The following HEATR6 variants were observed in gnomAD, a reference collection of about 807,000 sequenced individuals.
The protein encoded by HEATR6 is HEAT repeat containing 6, also known as HEAT repeat-containing protein 6.
In HEATR6, 106 loss-of-function variants were observed where a neutral mutation model predicts 132.8. The ratio of observed to expected loss-of-function variants is 0.80; its 90% CI spans 0.68 to 0.94. HEATR6 has a LOEUF of 0.94. HEATR6 is among the 40% of genes least tolerant of loss of function. HEATR6 has a pLI of 0.00. For missense variants in HEATR6, 1,339 were observed against 1,425.1 expected, an observed-to-expected ratio of 0.94 and a Z score of 0.97; for synonymous variants, 529 against 537.8, an observed-to-expected ratio of 0.98 and a Z score of 0.23.
At chr17:60,066,544 A>T (rs2083241914) in intron 8 of HEATR6, 158 bp from the exon 9 acceptor site, 1 of 620,978 alleles carries the variant, frequency 1.6e-6, no homozygotes, top group Non-Finnish European at 2.7e-6. Context: ...GTTATTAAAA[A>T]TTTTTCTTTC....
rs533858254 is a variant in HEATR6, at chr17:60,044,060, G to A, written c.3049C>T (p.Arg1017Cys). 2.3e-5 allele frequency: 37 copies of A among 1,614,168 alleles called. No homozygotes were observed. The highest frequency in any genetic ancestry group is 2.2e-4 in the South Asian group (20 of 91,082). The stretch of plus-strand genomic sequence containing the variant: ...GAAAGGGCAGCTGCAGATCTGATGC[G>A]CACTTTGAAGTTCTTGCATGATGTC... ...VVTSCKNFKVRIRSAAALSVP... is the reference protein window; with the variant it reads ...VVTSCKNFKVCIRSAAALSVP... The change falls in exon 20 of 20, where the codon CGC becomes TGC. Residue 1017 changes from arginine to cysteine, a missense_variant. Coordinates refer to ENST00000184956, the MANE Select transcript of HEATR6 (RefSeq NM_022070.5).
Position 60,078,726 on chromosome 17 carries a change from G to A in HEATR6, c.189C>T (p.Asn63=), listed in dbSNP as rs1350359623. The A allele has an allele frequency of 1.3e-6, 2 of 1,552,082 alleles. No individual in the cohort carries two copies. The highest frequency in any genetic ancestry group is 8.7e-7 in the Non-Finnish European group (1 of 1,149,212). The change falls in exon 1 of 20, where the codon AAC becomes AAT. Residue 63 remains asparagine (N), a synonymous_variant. Coordinates refer to ENST00000184956, the MANE Select transcript of HEATR6 (RefSeq NM_022070.5). ...HLLFDQLISE[N]YSEGSGVAPE... is the part of the protein sequence containing the mutation. ...GGGCCACGCCACTGCCCTCGCTGTA[G>A]TTCTCGGAGATGAGCTGATCGAAGA...
rs754417304 is a variant in HEATR6 at position 60,044,101 on chromosome 17, G to A, written c.3008C>T (p.Ala1003Val). 3.3e-5 allele frequency: 53 copies of A among 1,612,924 alleles called. No individual in the cohort carries two copies. The highest frequency in any genetic ancestry group is 4.2e-5 in the Non-Finnish European group (50 of 1,179,404). Reference sequence around the variant, plus strand: ...GCATGATGTCACGACCGATGTCAGGGCATTGTAGGCCTGGGAGGTCCATGG... The same window carrying A: ...GCATGATGTCACGACCGATGTCAGGACATTGTAGGCCTGGGAGGTCCATGG... Reference protein sequence around the residue: ...TAPWTSQAYNALTSVVTSCKN... With the variant: ...TAPWTSQAYNVLTSVVTSCKN... The change falls in exon 20 of 20, where the codon GCC becomes GTC. Residue 1003 changes from alanine (A) to valine (V), a missense_variant. Physicochemically the swap from Ala to Val is moderately conservative, Grantham distance 64. Coordinates refer to ENST00000184956, the MANE Select transcript of HEATR6 (RefSeq NM_022070.5).
intron 8 of HEATR6, 50 bp from the exon 9 acceptor site, chr17:60,066,436 T>TA (rs772327727): frequency 2.7e-5 from 37 of 1,352,706 alleles, no homozygotes; most frequent in Non-Finnish European, 3.2e-5. Context: ...ATCATTTTTT[T>TA]AAAAAAAATG....
At chr17:60,046,271 G>A in intron 18 of HEATR6, 42 bp from the exon 19 acceptor site, 1 of 1,487,960 alleles carries the variant, frequency 6.7e-7, no homozygotes, top group Non-Finnish European at 9.2e-7. Context: ...TTTGGCCAAA[G>A]AGATGTTTCC....
chr17:60,077,279 A>G (rs2083301702), intron 1 of HEATR6, among the ~76,000 whole-genome samples: 1 of 152,222 alleles, frequency 6.6e-6, no homozygotes, highest in African/African-American at 2.4e-5. Flanking sequence ...TTTGCCAGAT[A>G]GGGCATCAAA....
At chr17:60,078,236 T>G (rs1454105093) in intron 1 of HEATR6, among the ~76,000 whole-genome samples, 1 of 152,178 alleles carries the variant, frequency 6.6e-6, no homozygotes, top group Admixed American at 6.5e-5. Context: ...ACATAGGGGC[T>G]TTGTGGCAGA....
At position 60,048,974 on chromosome 17, in the gene HEATR6, TATATATATA is replaced by T. The variant is rs200268375; in HGVS notation, c.2548-595_2548-587del. Among the ~76,000 whole-genome samples the T allele has an allele frequency of 5.9e-3, 418 of 70,272 alleles. 9 individuals are homozygous for T. Among genetic ancestry groups the T allele is most frequent in the African/African-American group, 0.058 (359 of 6,140 alleles). 46.1% of individuals were successfully genotyped at this position (70,272 alleles called of 152,430 possible). A position where few individuals can be genotyped will look rare whatever the true frequency, so the allele number is the denominator to read the frequency against. ...AATTAAAAATTAAAAATAAATAACA[TATATATATA>T]ATATATATATATATATATATATATA... is the stretch of plus-strand genomic sequence containing the variant. On this transcript the variant is annotated intron_variant, in intron 16 of 19. Transcript: ENST00000184956.
chr17:60,047,540 G>A, intron 17 of HEATR6, 135 bp from the exon 18 acceptor site: 1 of 405,520 alleles, frequency 2.5e-6, no homozygotes. Flanking sequence ...ATTATATCAA[G>A]AAACTTACAT....
In HEATR6 at chr17:60,066,863, C is replaced by G. The variant is rs868203708; in HGVS notation, c.1239-477G>C. The stretch of plus-strand genomic sequence containing the variant: ...ACGAATAACACCAAGGCAGAAAAGG[C>G]TTCCCGGGGAATATGATTTCTGAGC... On this transcript the variant is annotated intron_variant, in intron 8 of 19. Coordinates refer to ENST00000184956, the MANE Select transcript of HEATR6 (RefSeq NM_022070.5). 1.1e-4 allele frequency among the ~76,000 whole-genome samples: 16 copies of G among 152,316 alleles called. No homozygotes were observed. In the Middle Eastern group the frequency reaches 0.014, roughly 130 times the overall value.
At chr17:60,050,394 G>C (rs1022184345) in intron 15 of HEATR6, among the ~76,000 whole-genome samples, 1 of 152,134 alleles carries the variant, frequency 6.6e-6, no homozygotes, top group Non-Finnish European at 1.5e-5. Context: ...AGCTCAAACA[G>C]ACTAAGACAA....
Position 60,073,281 on chromosome 17 carries a change from TA to T in HEATR6, c.469-3del. 2 of 1,507,968 alleles carry T rather than the reference TA, an allele frequency of 1.3e-6. No homozygotes were observed. Among genetic ancestry groups the T allele is most frequent in the Non-Finnish European group, 1.8e-6 (2 of 1,083,562 alleles). The allele number at this position is 1,507,968 out of a possible 1,614,324, so 93.4% of individuals were successfully genotyped here. Reference sequence around the variant, plus strand: ...GTTGCCTAGCAGCTCTGGGAGGTACTAAGAAAAATAAGAGTCAATGTAGGTC... The same window carrying T: ...GTTGCCTAGCAGCTCTGGGAGGTACTAGAAAAATAAGAGTCAATGTAGGTC... On this transcript the variant is annotated splice_region_variant and splice_polypyrimidine_tract_variant and intron_variant, in intron 3 of 19. Transcript: ENST00000184956.
Position 60,066,276 on chromosome 17 carries a change from G to A in HEATR6, c.1349C>T (p.Thr450Met), listed in dbSNP as rs371368780. The change falls in exon 9 of 20, where the codon ACG becomes ATG. Residue 450 changes from threonine to methionine, a missense_variant. Coordinates refer to ENST00000184956, the MANE Select transcript of HEATR6 (RefSeq NM_022070.5). ...TGACTGTGGGCTGCCAAGTTCAGGC[G>A]TATCAGGAATAAAAGCTGACCAGTA... ...YGYWSAFIPD[T>M]PELGSPQSVS... is the part of the protein sequence containing the mutation. 4.4e-5 allele frequency: 71 copies of A among 1,613,780 alleles called. No individual in the cohort carries two copies. Among genetic ancestry groups the A allele is most frequent in the Non-Finnish European group, 5.6e-5 (66 of 1,179,888 alleles).
At chr17:60,072,117 C>T (rs191139418) in intron 5 of HEATR6, 98 bp downstream of exon 5, 26 of 482,278 alleles carry the variant, frequency 5.4e-5, no homozygotes, top group Middle Eastern at 3.5e-4. Flanking sequence ...TTTCTCTAGA[C>T]GAAGCTAATG....
intron 9 of HEATR6, chr17:60,064,770 T>G (rs541013230): frequency 2.0e-5 from 3 of 152,330 alleles, no homozygotes; most frequent in Admixed American, 6.5e-5. Context: ...TTGCAATAGG[T>G]GAAATTTCTC....
At chr17:60,068,060 C>T (rs887264958) in intron 7 of HEATR6, among the ~76,000 whole-genome samples, 21 of 152,176 alleles carry the variant, frequency 1.4e-4, no homozygotes, top group African/African-American at 4.1e-4. Context: ...TGTAAGTATG[C>T]GGCTAATACC....
Position 60,057,323 on chromosome 17 carries a change from G to C in HEATR6, c.1804C>G (p.Leu602Val). Residue 602 changes from leucine (L) to valine (V), a missense_variant, in exon 12 of 20, where the codon CTT becomes GTT. Coordinates refer to ENST00000184956, the MANE Select transcript of HEATR6 (RefSeq NM_022070.5). ...THAPLPEVQL[L>V]LQQPCSSGLG... ...CCAGAAGAACATGGCTGTTGCAGAA[G>C]TAGTTGGACTTCAGGTAAAGGTGCG... 1 of 1,614,180 alleles carries C rather than the reference G, an allele frequency of 6.2e-7. No individual in the cohort carries two copies. Among genetic ancestry groups the C allele is most frequent in the Non-Finnish European group, 8.5e-7 (1 of 1,179,992 alleles).
rs1342684049 is a variant in HEATR6, at chr17:60,041,821, G to T, written c.*1742C>A. On this transcript the variant is annotated 3_prime_UTR_variant, in exon 20 of 20. Transcript: ENST00000184956. ...AAATGGAAGACACCTGCCTTTACAC[G>T]TGTATTTTAAGCTAAATAACCATGA... Among the ~76,000 whole-genome samples, 1 of 152,154 alleles carries T rather than the reference G, an allele frequency of 6.6e-6. No homozygotes were observed. Among genetic ancestry groups the T allele is most frequent in the Non-Finnish European group, 1.5e-5 (1 of 68,034 alleles).
intron 18 of HEATR6, 100 bp downstream of exon 18, chr17:60,047,209 G>C: frequency 1.4e-6 from 1 of 714,682 alleles, no homozygotes; most frequent in Non-Finnish European, 2.4e-6. Context: ...ACATTTGGTG[G>C]GACAGTCTGA....
Sources: allele counts gnomAD v4.1 joint callset (sites outside exome capture counted in the v4.1 genomes callset), GRCh38; gene constraint gnomAD v4.1.1; transcripts MANE v1.5; gene names NCBI Gene and HGNC (gene_info 2026-07-23, HGNC 2026-07-21).